The following CHM variants were observed in gnomAD, a reference collection of about 807,000 sequenced individuals.
CHM encodes rab proteins geranylgeranyltransferase component A 1.
CHM carries 10 observed loss-of-function variants against 49.0 expected under a neutral mutation model. The ratio of observed to expected loss-of-function variants is 0.20; its 90% CI spans 0.13 to 0.35. The LOEUF is 0.35. Ranked by LOEUF, CHM falls within the 10% of genes least tolerant of loss-of-function variation. The pLI, the probability that CHM is intolerant of heterozygous loss-of-function variation, is 1.00. For missense variants in CHM, 455 were observed against 478.4 expected (o/e 0.95, Z 0.46); for synonymous variants, 184 against 167.5 (o/e 1.10, Z -0.76).
intron 8 of CHM, among the ~76,000 whole-genome samples, chrX:85,939,232 G>C (rs896143186): frequency 8.9e-6 from 1 of 112,098 alleles, no homozygotes; most frequent in East Asian, 2.8e-4. Context: ...ATGTATCCCT[G>C]TTGTTAAGTG....
intron 4 of CHM, among the ~76,000 whole-genome samples, chrX:85,977,294 T>A (rs928888218): frequency 1.8e-5 from 2 of 112,577 alleles, no homozygotes; most frequent in Admixed American, 1.9e-4. Context: ...CAGTTCACTT[T>A]ATGCTCCACG....
chrX:85,881,596 C>T (rs1488782114), intron 12 of CHM, among the ~76,000 whole-genome samples: 1 of 111,633 alleles, frequency 9.0e-6, no homozygotes, highest in African/African-American at 3.3e-5. Context: ...GCCCATATGG[C>T]CTGCCTGCAG....
intron 2 of CHM, among the ~76,000 whole-genome samples, chrX:86,024,601 A>G (rs1214257423): frequency 8.9e-6 from 1 of 112,220 alleles, no homozygotes; most frequent in Non-Finnish European, 1.9e-5. Context: ...GAGCTCATTC[A>G]GTTGAGAAAT....
chrX:85,977,690 C>A (rs1172466002), intron 4 of CHM, among the ~76,000 whole-genome samples: 1 of 111,825 alleles, frequency 8.9e-6, no homozygotes, highest in Non-Finnish European at 1.9e-5. Context: ...AATCATCTTC[C>A]GTTTTAAATC....
At position 86,020,485 on chromosome X, in the gene CHM, T is replaced by C. The variant is rs185223141; in HGVS notation, c.116+7006A>G. ...ATTAGAGACATGCAGCTAGTAAGTA[T>C]ACTGCAAATATTACATATATATATA... On this transcript the variant is annotated intron_variant, in intron 2 of 14. Transcript: ENST00000357749. 1.6e-3 allele frequency among the ~76,000 whole-genome samples: 175 copies of C among 107,932 alleles called. 1 individual carries two copies. The highest frequency in any genetic ancestry group is 3.5e-3 in the Admixed American group (35 of 9,907). 93.7% of individuals were successfully genotyped at this position (107,932 alleles called of 115,157 possible). A position where few individuals can be genotyped will look rare whatever the true frequency, so the allele number is the denominator to read the frequency against.
chrX:85,928,702 T>C (rs1928238905), intron 8 of CHM, among the ~76,000 whole-genome samples: 2 of 112,081 alleles, frequency 1.8e-5, no homozygotes, highest in South Asian at 3.7e-4. Context: ...TGGGATTCTA[T>C]ATATGAAAAA....
At chrX:85,924,116 AGCAAG>A (rs1452143248) in intron 8 of CHM, among the ~76,000 whole-genome samples, 1 of 111,279 alleles carries the variant, frequency 9.0e-6, no homozygotes, top group Non-Finnish European at 1.9e-5. Flanking sequence ...GCAAGTTTTG[AGCAAG>A]GCAGTGACAT....
intron 1 of CHM, among the ~76,000 whole-genome samples, chrX:86,046,401 C>T (rs1203060345): frequency 8.9e-6 from 1 of 112,105 alleles, no homozygotes; most frequent in African/African-American, 3.2e-5. Flanking sequence ...GGATTATGTT[C>T]GGCTTGTAAA....
chrX:85,881,464 G>A (rs1924756213), intron 12 of CHM, among the ~76,000 whole-genome samples: 1 of 111,982 alleles, frequency 8.9e-6, no homozygotes, highest in Admixed American at 9.5e-5. Context: ...CACTTTACTT[G>A]TGCAACAGCA....
chrX:85,977,688 T>C (rs1454267227), intron 4 of CHM, among the ~76,000 whole-genome samples: 2 of 112,178 alleles, frequency 1.8e-5, no homozygotes, highest in African/African-American at 6.5e-5. Flanking sequence ...GAAATCATCT[T>C]CCGTTTTAAA....
At chrX:86,021,839 C>T (rs1419836678) in intron 2 of CHM, among the ~76,000 whole-genome samples, 1 of 111,459 alleles carries the variant, frequency 9.0e-6, no homozygotes, top group Non-Finnish European at 1.9e-5. Context: ...TTATCCAGGC[C>T]TAGAAAGGAA....
At chrX:85,992,566 A>T (rs1932253121) in intron 2 of CHM, among the ~76,000 whole-genome samples, 1 of 111,348 alleles carries the variant, frequency 9.0e-6, no homozygotes, top group South Asian at 3.8e-4. Flanking sequence ...ACAAATTCTC[A>T]TTTACTGTAA....
chrX:85,972,700 C>A (rs750629111), intron 4 of CHM, among the ~76,000 whole-genome samples: 318 of 112,634 alleles, frequency 2.8e-3, no homozygotes, highest in African/African-American at 9.7e-3. Flanking sequence ...AGCTGGCCCG[C>A]AAGCGCCACG....
At chrX:86,033,037 A>C (rs1284822359) in intron 1 of CHM, among the ~76,000 whole-genome samples, 1 of 111,704 alleles carries the variant, frequency 9.0e-6, no homozygotes, top group Non-Finnish European at 1.9e-5. Flanking sequence ...AACCTCACCT[A>C]AGATATTTTA....
intron 14 of CHM, among the ~76,000 whole-genome samples, chrX:85,868,019 CTGTGTGTGTGTGTGTG>C (rs36027427): frequency 5.2e-5 from 5 of 95,814 alleles, no homozygotes; most frequent in Non-Finnish European, 2.1e-5. Flanking sequence ...ATAGTTACCA[CTGTGTGTGTGTGTGTG>C]TGTGTGTGTG....
chrX:86,026,097 A>ATTTTT (rs1398285252), intron 2 of CHM, among the ~76,000 whole-genome samples: 2 of 30,488 alleles, frequency 6.6e-5, no homozygotes, highest in South Asian at 2.3e-3. Context: ...AAGGTAGCAG[A>ATTTTT]TTTTCTTTTT....
chrX:85,954,412 T>A (rs1006825937), intron 8 of CHM, among the ~76,000 whole-genome samples: 7 of 111,437 alleles, frequency 6.3e-5, no homozygotes, highest in Non-Finnish European at 1.3e-4. Context: ...GATCTAGCAA[T>A]CCCACTGCTA....
chrX:85,972,756 C>T (rs755430795), intron 4 of CHM, among the ~76,000 whole-genome samples: 201 of 112,207 alleles, frequency 1.8e-3, no homozygotes, highest in African/African-American at 6.2e-3. Context: ...CACCTCCCTG[C>T]AAGCTGAGGG....
intron 5 of CHM, 115 bp from the exon 6 acceptor site, chrX:85,959,092 A>G (rs1930158674): frequency 3.5e-6 from 3 of 864,889 alleles, no homozygotes. Context: ...AATCATACCT[A>G]TAAATATTAT....
Sources: allele counts gnomAD v4.1 joint callset (sites outside exome capture counted in the v4.1 genomes callset), GRCh38; gene constraint gnomAD v4.1.1; transcripts MANE v1.5; gene names NCBI Gene and HGNC (gene_info 2026-07-23, HGNC 2026-07-21).